ROR1: variants seen among roughly 807,000 people sequenced by gnomAD.
ROR1 encodes inactive tyrosine-protein kinase transmembrane receptor ROR1.
In ROR1, 19 loss-of-function variants were observed where a neutral mutation model predicts 78.8. The observed-to-expected ratio is 0.24, with a 90% confidence interval of 0.17 to 0.35. The LOEUF (loss-of-function observed/expected upper bound fraction) is 0.35. Among genes scored for constraint, ROR1 ranks in the 10% least tolerant of loss-of-function variants. ROR1 has a pLI of 1.00. For synonymous variants in ROR1, 386 were observed against 433.6 expected, an observed-to-expected ratio of 0.89 and a Z score of 1.36; for missense variants, 917 against 1,177.8, an observed-to-expected ratio of 0.78 and a Z score of 3.24.
intron 4 of ROR1, among the ~76,000 whole-genome samples, chr1:64,101,282 G>C (rs188889626): frequency 9.5e-4 from 144 of 152,238 alleles, no homozygotes; most frequent in Middle Eastern, 3.4e-3. Flanking sequence ...ACGGGGTAGG[G>C]AACAGGGGAG....
At chr1:63,863,237 C>A (rs1645192666) in intron 1 of ROR1, among the ~76,000 whole-genome samples, 1 of 152,222 alleles carries the variant, frequency 6.6e-6, no homozygotes, top group Admixed American at 6.5e-5. Context: ...CACTTTAGTT[C>A]TTTTCAGCCT....
At chr1:63,863,262 C>T (rs1430854911) in intron 1 of ROR1, among the ~76,000 whole-genome samples, 1 of 152,210 alleles carries the variant, frequency 6.6e-6, no homozygotes, top group African/African-American at 2.4e-5. Flanking sequence ...TTGCTGTTGC[C>T]TTCTGTGTCT....
intron 7 of ROR1, among the ~76,000 whole-genome samples, chr1:64,146,553 T>G (rs1649479235): frequency 6.6e-6 from 1 of 152,216 alleles, no homozygotes; most frequent in South Asian, 2.1e-4. Context: ...TTTGGGTGAC[T>G]TCTGACCCTT....
At chr1:64,011,819 C>T (rs1049799341) in intron 2 of ROR1, among the ~76,000 whole-genome samples, 1 of 152,140 alleles carries the variant, frequency 6.6e-6, no homozygotes, top group African/African-American at 2.4e-5. Flanking sequence ...AAAACCTTAT[C>T]GATTCCTACT....
intron 4 of ROR1, among the ~76,000 whole-genome samples, chr1:64,112,444 G>A (rs768328488): frequency 2.6e-5 from 4 of 152,110 alleles, no homozygotes; most frequent in Non-Finnish European, 5.9e-5. Context: ...ATTCTATCAT[G>A]ATTACTAGTG....
intron 6 of ROR1, 134 bp downstream of exon 6, chr1:64,140,560 C>A: frequency 1.3e-6 from 1 of 745,660 alleles, no homozygotes; most frequent in Non-Finnish European, 2.2e-6. Context: ...GAGTACTGTG[C>A]CTGAGCATTC....
intron 1 of ROR1, among the ~76,000 whole-genome samples, chr1:63,963,977 C>G (rs1646054323): frequency 6.6e-6 from 1 of 152,168 alleles, no homozygotes; most frequent in African/African-American, 2.4e-5. Context: ...GCAAAAGACA[C>G]ACTTCCATTT....
intron 1 of ROR1, among the ~76,000 whole-genome samples, chr1:63,954,757 T>C (rs1400685870): frequency 2.0e-5 from 3 of 152,212 alleles, no homozygotes; most frequent in Non-Finnish European, 4.4e-5. Flanking sequence ...ACTTAAAGTA[T>C]ATGGGAGCGT....
intron 4 of ROR1, among the ~76,000 whole-genome samples, chr1:64,093,881 T>C (rs1169427211): frequency 6.6e-6 from 1 of 152,190 alleles, no homozygotes; most frequent in Non-Finnish European, 1.5e-5. Context: ...GCTCAATTCT[T>C]GTACATCTGT....
intron 8 of ROR1, among the ~76,000 whole-genome samples, chr1:64,170,371 C>T (rs1004901774): frequency 6.6e-6 from 1 of 152,220 alleles, no homozygotes; most frequent in Non-Finnish European, 1.5e-5. Flanking sequence ...GAAGCCACAG[C>T]ACGAGCTGTA....
At chr1:63,824,654 A>G (rs1644943143) in intron 1 of ROR1, among the ~76,000 whole-genome samples, 1 of 152,180 alleles carries the variant, frequency 6.6e-6, no homozygotes, top group Non-Finnish European at 1.5e-5. Flanking sequence ...AGTTTAGCTG[A>G]GGCTTGGATA....
intron 1 of ROR1, among the ~76,000 whole-genome samples, chr1:63,996,318 G>A (rs547468646): frequency 3.0e-4 from 45 of 152,234 alleles, no homozygotes; most frequent in South Asian, 1.7e-3. Context: ...AGAGATTCTC[G>A]TCCCAACTTA....
At chr1:64,020,468 G>A (rs895787419) in intron 2 of ROR1, among the ~76,000 whole-genome samples, 1 of 152,152 alleles carries the variant, frequency 6.6e-6, no homozygotes, top group African/African-American at 2.4e-5. Context: ...CAATTTAGTG[G>A]AAGAGAAAAA....
At chr1:63,922,507 A>G (rs750395492) in intron 1 of ROR1, among the ~76,000 whole-genome samples, 1 of 152,198 alleles carries the variant, frequency 6.6e-6, no homozygotes, top group African/African-American at 2.4e-5. Flanking sequence ...GTCGAAGCCC[A>G]GGATTTTGTG....
At chr1:64,041,094 A>G (rs920364231) in intron 2 of ROR1, among the ~76,000 whole-genome samples, 4 of 152,208 alleles carry the variant, frequency 2.6e-5, no homozygotes, top group African/African-American at 9.6e-5. Context: ...AAGAGTGTCA[A>G]TGGAACTGAG....
chr1:64,049,565 C>T lies in ROR1; in HGVS notation c.164-126C>T, dbSNP rs1053705555. ...TCAATGTGATTGTTTCTTTCCTTGT[C>T]TGTCTCACCTGCCTCTCCTGCTCAG... On this transcript the variant is annotated intron_variant, in intron 2 of 8. Coordinates refer to ENST00000371079, the MANE Select transcript of ROR1 (RefSeq NM_005012.4). 7.5e-6 allele frequency: 6 copies of T among 797,968 alleles called. No individual in the cohort carries two copies. In the African/African-American group the frequency reaches 1.0e-4, roughly 14 times the overall value. The allele number at this position is 797,968 out of a possible 1,614,324, so 49.4% of individuals were successfully genotyped here. A position where few individuals can be genotyped will look rare whatever the true frequency, so the allele number is the denominator to read the frequency against.
At chr1:63,800,851 T>G (rs962723233) in intron 1 of ROR1, among the ~76,000 whole-genome samples, 1 of 152,194 alleles carries the variant, frequency 6.6e-6, no homozygotes, top group African/African-American at 2.4e-5. Flanking sequence ...TGTAGCATGG[T>G]GAAGTTTGAC....
intron 2 of ROR1, among the ~76,000 whole-genome samples, chr1:64,024,678 A>G (rs530243936): frequency 1.3e-5 from 2 of 152,274 alleles, no homozygotes; most frequent in South Asian, 2.1e-4. Flanking sequence ...TACCTACTAC[A>G]CAGTGTTCTC....
At chr1:64,047,409 G>T (rs748559625) in intron 2 of ROR1, among the ~76,000 whole-genome samples, 1 of 152,032 alleles carries the variant, frequency 6.6e-6, no homozygotes, top group Non-Finnish European at 1.5e-5. Context: ...TATTATTTTG[G>T]TTTTTCCGTT....
Sources: gnomAD v4.1 joint callset for allele counts (sites outside exome capture counted in the v4.1 genomes callset) on GRCh38, gnomAD v4.1.1 for gene constraint, MANE v1.5 for transcripts, NCBI Gene and HGNC (gene_info 2026-07-23, HGNC 2026-07-21) for gene names.